SRGAP1: variants seen among roughly 807,000 people sequenced by gnomAD.
SRGAP1 encodes SLIT-ROBO Rho GTPase-activating protein 1.
SRGAP1 carries 43 observed loss-of-function variants against 121.9 expected under a neutral mutation model. The observed-to-expected ratio is 0.35, with a 90% CI of 0.28 to 0.46. The LOEUF is 0.46. SRGAP1 is among the 20% of genes least tolerant of loss of function. The pLI, the probability that SRGAP1 is intolerant of heterozygous loss-of-function variation, is 1.00. For synonymous variants in SRGAP1, 447 were observed against 485.4 expected (o/e 0.92, Z 1.04); for missense variants, 1,102 against 1,350.9 (o/e 0.82, Z 2.89).
At chr12:64,010,052 A>T (rs926568923) in intron 3 of SRGAP1, among the ~76,000 whole-genome samples, 1 of 152,168 alleles carries the variant, frequency 6.6e-6, no homozygotes, top group African/African-American at 2.4e-5. Context: ...TTGGAAACTT[A>T]AAAGCACACA....
intron 1 of SRGAP1, among the ~76,000 whole-genome samples, chr12:63,848,567 CAG>C (rs940478305): frequency 1.7e-4 from 26 of 151,106 alleles, no homozygotes; most frequent in African/African-American, 5.6e-4. Flanking sequence ...CTTTTTGAGA[CAG>C]AGTCTCACTC....
intron 6 of SRGAP1, among the ~76,000 whole-genome samples, chr12:64,051,502 A>G (rs892606563): frequency 6.6e-6 from 1 of 152,212 alleles, no homozygotes; most frequent in South Asian, 2.1e-4. Context: ...AAAGGGGAAT[A>G]ACAATTTTTA....
At chr12:63,894,678 G>A (rs1272885249) in intron 1 of SRGAP1, among the ~76,000 whole-genome samples, 2 of 151,930 alleles carry the variant, frequency 1.3e-5, no homozygotes, top group African/African-American at 4.8e-5. Flanking sequence ...GTGTCCATGT[G>A]TTCTCATTGT....
intron 18 of SRGAP1, among the ~76,000 whole-genome samples, chr12:64,118,423 C>T (rs574164572): frequency 7.2e-5 from 11 of 152,022 alleles, no homozygotes; most frequent in African/African-American, 2.7e-4. Flanking sequence ...GCACATTCTA[C>T]CACACCCAGC....
At chr12:64,094,104 C>T (rs2036108150) in intron 12 of SRGAP1, among the ~76,000 whole-genome samples, 1 of 152,112 alleles carries the variant, frequency 6.6e-6, no homozygotes, top group Non-Finnish European at 1.5e-5. Flanking sequence ...CCTGAAAAAG[C>T]AGAGTCTTAA....
intron 6 of SRGAP1, among the ~76,000 whole-genome samples, chr12:64,061,150 G>GA (rs1281715803): frequency 3.3e-5 from 5 of 151,764 alleles, no homozygotes; most frequent in Admixed American, 1.3e-4. Flanking sequence ...AATGCAACAT[G>GA]AAAAAATACA....
intron 18 of SRGAP1, among the ~76,000 whole-genome samples, chr12:64,119,664 G>A (rs887973854): frequency 6.7e-6 from 1 of 149,522 alleles, no homozygotes; most frequent in African/African-American, 2.5e-5. Flanking sequence ...GTTTTCTCTA[G>A]TACTTCTTTA....
At chr12:63,947,113 T>G (rs1405561357) in intron 1 of SRGAP1, among the ~76,000 whole-genome samples, 1 of 152,190 alleles carries the variant, frequency 6.6e-6, no homozygotes, top group African/African-American at 2.4e-5. Context: ...TGTGTACAAG[T>G]CATTATGTGG....
At chr12:64,033,690 C>T (rs2034834444) in intron 4 of SRGAP1, among the ~76,000 whole-genome samples, 1 of 151,858 alleles carries the variant, frequency 6.6e-6, no homozygotes. Context: ...TACACTTCAG[C>T]TTGGGTTACA....
intron 4 of SRGAP1, among the ~76,000 whole-genome samples, chr12:64,029,299 T>C (rs571059771): frequency 2.6e-5 from 4 of 152,332 alleles, no homozygotes; most frequent in African/African-American, 7.2e-5. Flanking sequence ...CTAAAAGCAT[T>C]GTTGCTTCTG....
rs2037097497 is a variant in SRGAP1, at chr12:64,149,650, A to AC, written c.*6981dup. 1 of 152,158 alleles carries AC rather than the reference A, an allele frequency of 6.6e-6. No individual in the cohort carries two copies. Among genetic ancestry groups the AC allele is most frequent in the Non-Finnish European group, 1.5e-5 (1 of 68,024 alleles). The allele number at this position is 152,158 out of a possible 1,614,324, so 9.4% of individuals were successfully genotyped here. On this transcript the variant is annotated 3_prime_UTR_variant, in exon 22 of 22. Coordinates refer to ENST00000355086, the MANE Select transcript of SRGAP1 (RefSeq NM_020762.4). ...CAGTTCCCACAGTTCATATGCCTGC[A>AC]CCCTGTAAGAATCTTAGAAAGGCAG...
chr12:63,916,991 G>A (rs1434940590), intron 1 of SRGAP1, among the ~76,000 whole-genome samples: 1 of 152,272 alleles, frequency 6.6e-6, no homozygotes, highest in East Asian at 1.9e-4. Context: ...ATGGGCTGCT[G>A]ATTTCTGCTG....
Position 64,120,871 on chromosome 12 carries a change from G to C in SRGAP1, c.2224+4978G>C, listed in dbSNP as rs970765060. On this transcript the variant is annotated intron_variant, in intron 18 of 21. Coordinates refer to ENST00000355086, the MANE Select transcript of SRGAP1 (RefSeq NM_020762.4). The stretch of plus-strand genomic sequence containing the variant: ...ATTTTGGTCTTTAGTATTCTTTACT[G>C]TCTTGATAGCTTATTAATGCAATTA... Among the ~76,000 whole-genome samples, 3 of 152,102 alleles carry C rather than the reference G, an allele frequency of 2.0e-5. No homozygotes were observed. In the South Asian group the frequency reaches 6.2e-4, roughly 32 times the overall value.
rs2036731212 is a variant in SRGAP1, at chr12:64,128,210, T to C, written c.2880+10T>C. 1 of 1,593,048 alleles carries C rather than the reference T, an allele frequency of 6.3e-7. No individual in the cohort carries two copies. Among genetic ancestry groups the C allele is most frequent in the Non-Finnish European group, 8.6e-7 (1 of 1,164,658 alleles). Reference sequence around the variant, plus strand: ...AGAGACAATTGCTCAGGTACGATGCTTTTAATTACATATTGCATTTTAAGT... The same window carrying C: ...AGAGACAATTGCTCAGGTACGATGCCTTTAATTACATATTGCATTTTAAGT... On this transcript the variant is annotated intron_variant, in intron 21 of 21. Transcript: ENST00000355086.
intron 1 of SRGAP1, among the ~76,000 whole-genome samples, chr12:63,950,842 C>T (rs1461567126): frequency 1.3e-5 from 2 of 152,108 alleles, no homozygotes; most frequent in South Asian, 2.1e-4. Flanking sequence ...AGTGTCTTCT[C>T]TTCTGGAAAA....
intron 21 of SRGAP1, among the ~76,000 whole-genome samples, chr12:64,128,729 G>A (rs2136639598): frequency 6.6e-6 from 1 of 152,298 alleles, no homozygotes; most frequent in East Asian, 1.9e-4. Flanking sequence ...TAGAAAAGAT[G>A]AGACCTAATA....
intron 16 of SRGAP1, among the ~76,000 whole-genome samples, chr12:64,110,606 A>C (rs1451105930): frequency 6.6e-6 from 1 of 152,354 alleles, no homozygotes; most frequent in Non-Finnish European, 1.5e-5. Flanking sequence ...CTAAAGACCC[A>C]GAAAGATTAA....
At position 64,147,240 on chromosome 12, in the gene SRGAP1, C is replaced by T. The variant is rs904330754; in HGVS notation, c.*4568C>T. 4 of 367,998 alleles carry T rather than the reference C, an allele frequency of 1.1e-5. No individual in the cohort carries two copies. The highest frequency in any genetic ancestry group is 8.3e-5 in the African/African-American group (4 of 48,086). The allele number at this position is 367,998 out of a possible 1,614,324, so 22.8% of individuals were successfully genotyped here. A position where few individuals can be genotyped will look rare whatever the true frequency, so the allele number is the denominator to read the frequency against. On this transcript the variant is annotated 3_prime_UTR_variant, in exon 22 of 22. Transcript: ENST00000355086. ...CAATTGCGGTACCGGTAGCTTCCTG[C>T]TTGTGACTGTTACCTAATTGTGTCA...
chr12:64,004,574 G>A (rs1244332194), intron 3 of SRGAP1, among the ~76,000 whole-genome samples: 1 of 152,098 alleles, frequency 6.6e-6, no homozygotes, highest in East Asian at 1.9e-4. Flanking sequence ...GTTTCACCAT[G>A]TTGGCCAAGA....
Sources: gnomAD v4.1 joint callset for allele counts (sites outside exome capture counted in the v4.1 genomes callset) on GRCh38, gnomAD v4.1.1 for gene constraint, MANE v1.5 for transcripts, NCBI Gene and HGNC (gene_info 2026-07-23, HGNC 2026-07-21) for gene names.